Variants in USP24 observed in about 807,000 individuals in gnomAD.
USP24 encodes the protein ubiquitin carboxyl-terminal hydrolase 24.
A neutral mutation model predicts 361.6 loss-of-function variants in USP24; 97 were observed. That is an observed-to-expected ratio of 0.27 (90% CI 0.23 to 0.32). The LOEUF is 0.32. USP24 is among the 10% of genes least tolerant of loss of function. USP24 has a pLI of 1.00. For missense variants in USP24, 2,353 were observed against 3,165.6 expected (o/e 0.74, Z 6.16); for synonymous variants, 1,098 against 1,124.6 (o/e 0.98, Z 0.47).
At chr1:55,085,519 T>C (rs1327636883) in intron 56 of USP24, among the ~76,000 whole-genome samples, 1 of 152,222 alleles carries the variant, frequency 6.6e-6, no homozygotes, top group Non-Finnish European at 1.5e-5. Flanking sequence ...AATAGCACTA[T>C]TTGGTTTGGT....
intron 1 of USP24, among the ~76,000 whole-genome samples, chr1:55,190,517 G>T (rs927868044): frequency 1.3e-5 from 2 of 152,188 alleles, no homozygotes; most frequent in African/African-American, 4.8e-5. Context: ...AAATGTCATA[G>T]CTCCGAACAG....
intron 1 of USP24, among the ~76,000 whole-genome samples, chr1:55,186,395 C>T (rs961720496): frequency 6.6e-6 from 1 of 152,128 alleles, no homozygotes; most frequent in Non-Finnish European, 1.5e-5. Flanking sequence ...ATGGAACTAC[C>T]ATGTGATTGA....
Position 55,177,990 on chromosome 1 carries a change from G to A in USP24, c.467C>T (p.Ala156Val). 6.4e-7 allele frequency: 1 copy of A among 1,551,596 alleles called. No homozygotes were observed. The highest frequency in any genetic ancestry group is 2.4e-5 in the East Asian group (1 of 40,900). Reference sequence around the variant, plus strand: ...ACCAAGTCTTGCTAGGTAGGTAGATGCCAACAGGCATTTGCCTAGTGATTC... The same window carrying A: ...ACCAAGTCTTGCTAGGTAGGTAGATACCAACAGGCATTTGCCTAGTGATTC... ...REESLGKCLLASTYLARLGLS... is the reference protein window; with the variant it reads ...REESLGKCLLVSTYLARLGLS... Residue 156 changes from alanine to valine, a missense_variant, in exon 2 of 68, where the codon GCA becomes GTA. Transcript: ENST00000294383.
At chr1:55,175,951 T>C (rs1243031768) in intron 3 of USP24, among the ~76,000 whole-genome samples, 2 of 152,222 alleles carry the variant, frequency 1.3e-5, no homozygotes, top group Non-Finnish European at 2.9e-5. Context: ...TAGTTTAAAA[T>C]GTCTTCTCCT....
chr1:55,110,837 C>T (rs943996431), intron 38 of USP24, among the ~76,000 whole-genome samples: 1 of 152,172 alleles, frequency 6.6e-6, no homozygotes, highest in East Asian at 1.9e-4. Context: ...GCTGGATGTC[C>T]CATGGACAAC....
chr1:55,083,708 TA>T, intron 57 of USP24, 63 bp downstream of exon 57: 1 of 1,274,778 alleles, frequency 7.8e-7, no homozygotes, highest in South Asian at 1.4e-5. Context: ...CTATCCAGTC[TA>T]AAAATTTTTT....
At chr1:55,206,001 G>A (rs1395217721) in intron 1 of USP24, among the ~76,000 whole-genome samples, 1 of 152,186 alleles carries the variant, frequency 6.6e-6, no homozygotes, top group Admixed American at 6.5e-5. Context: ...AGAAAATGGA[G>A]TTTCAGAAAG....
At chr1:55,144,262 A>G in intron 20 of USP24, 59 bp from the exon 21 acceptor site, 1 of 1,169,542 alleles carries the variant, frequency 8.6e-7, no homozygotes, top group Middle Eastern at 2.0e-4. Flanking sequence ...ATAATCAATG[A>G]AAAGACTCAA....
intron 38 of USP24, among the ~76,000 whole-genome samples, chr1:55,114,582 T>C (rs751543909): frequency 2.0e-5 from 3 of 152,028 alleles, no homozygotes; most frequent in Non-Finnish European, 4.4e-5. Flanking sequence ...TCAGAAATAA[T>C]GCCACACATC....
At position 55,097,089 on chromosome 1, in the gene USP24, C is replaced by A; in HGVS notation, c.5799G>T (p.Gly1933=). The A allele has an allele frequency of 6.2e-7, 1 of 1,613,948 alleles. No homozygotes were observed. Among genetic ancestry groups the A allele is most frequent in the Non-Finnish European group, 8.5e-7 (1 of 1,179,888 alleles). Residue 1933 remains glycine, a synonymous_variant, in exon 49 of 68, where the codon GGG becomes GGT. Coordinates refer to ENST00000294383, the MANE Select transcript of USP24 (RefSeq NM_015306.3). ...CTCCACCGCCCTGATCCACACTTCG[C>A]CCATTTTCCCCAACTTCAGAAGAAG... ...QDSSSEVGEN[G]RSVDQGGGGS... is the part of the protein sequence containing the mutation.
In USP24 at chr1:55,214,928, G is replaced by A. The variant is rs966152024; in HGVS notation, c.186C>T (p.Pro62=). 6 of 1,364,082 alleles carry A rather than the reference G, an allele frequency of 4.4e-6. No individual in the cohort carries two copies. In the African/African-American group the frequency reaches 7.5e-5, roughly 17 times the overall value. 84.5% of individuals were successfully genotyped at this position (1,364,082 alleles called of 1,614,324 possible). A position where few individuals can be genotyped will look rare whatever the true frequency, so the allele number is the denominator to read the frequency against. ...GYEPMDSGGG[P]SPGPGGGPRG... is the part of the protein sequence containing the mutation. ...GCGGGCCCCCGCCGGGCCCGGGGCT[G>A]GGGCCACCGCCGCTGTCCATGGGCT... Residue 62 remains proline (P), a synonymous_variant, in exon 1 of 68, where the codon CCC becomes CCT. Coordinates refer to ENST00000294383, the MANE Select transcript of USP24 (RefSeq NM_015306.3).
intron 39 of USP24, among the ~76,000 whole-genome samples, chr1:55,109,251 A>G (rs1252197337): frequency 6.6e-6 from 1 of 152,238 alleles, no homozygotes; most frequent in African/African-American, 2.4e-5. Context: ...TGCCAGGATC[A>G]CAGGCGTAAG....
At chr1:55,196,998 AT>A (rs1466461423) in intron 1 of USP24, among the ~76,000 whole-genome samples, 1 of 152,224 alleles carries the variant, frequency 6.6e-6, no homozygotes, top group East Asian at 1.9e-4. Flanking sequence ...AGACCTGCTT[AT>A]TTCCTTACAT....
intron 52 of USP24, 143 bp from the exon 53 acceptor site, chr1:55,093,059 T>G: frequency 1.8e-6 from 1 of 556,254 alleles, no homozygotes; most frequent in Non-Finnish European, 2.9e-6. Flanking sequence ...TTCTCAAGTT[T>G]TGAACTTTTA....
chr1:55,189,973 T>C (rs1201487955), intron 1 of USP24, among the ~76,000 whole-genome samples: 1 of 151,894 alleles, frequency 6.6e-6, no homozygotes, highest in Non-Finnish European at 1.5e-5. Context: ...GAGACCAGCC[T>C]GACCAACATG....
intron 3 of USP24, 43 bp downstream of exon 3, chr1:55,176,332 CA>C: frequency 6.6e-7 from 1 of 1,513,864 alleles, no homozygotes; most frequent in South Asian, 1.2e-5. Context: ...ACCCTGCCCC[CA>C]CCCCGACACA....
At chr1:55,088,880 C>T (rs1186183544) in intron 55 of USP24, among the ~76,000 whole-genome samples, 1 of 151,948 alleles carries the variant, frequency 6.6e-6, no homozygotes. Flanking sequence ...ATTTCAGGTA[C>T]CTAGGTAGAT....
chr1:55,148,324 CAA>C, intron 17 of USP24, 137 bp downstream of exon 17: 1 of 554,026 alleles, frequency 1.8e-6, no homozygotes, highest in East Asian at 3.4e-5. Context: ...TGCTTAAACT[CAA>C]GATTATTAGA....
At chr1:55,174,067 G>C (rs998808257) in intron 3 of USP24, among the ~76,000 whole-genome samples, 1 of 152,206 alleles carries the variant, frequency 6.6e-6, no homozygotes, top group Non-Finnish European at 1.5e-5. Context: ...GGTCAAACCT[G>C]AATTATCTTC....
Sources: gnomAD v4.1 joint callset for allele counts (sites outside exome capture counted in the v4.1 genomes callset) on GRCh38, gnomAD v4.1.1 for gene constraint, MANE v1.5 for transcripts, NCBI Gene and HGNC (gene_info 2026-07-23, HGNC 2026-07-21) for gene names.